Variants in SYTL5 observed in about 807,000 individuals in gnomAD.
SYTL5 encodes the protein synaptotagmin-like protein 5.
A neutral mutation model predicts 55.9 loss-of-function variants in SYTL5; 34 were observed. That is an observed-to-expected ratio of 0.61 (90% CI 0.46 to 0.81). SYTL5 has a LOEUF of 0.81. Among genes scored for constraint, SYTL5 ranks in the 30% least tolerant of loss-of-function variants. The probability of loss-of-function intolerance (pLI) is 0.00; values close to 1 mark genes in which losing one functional copy is unlikely to be tolerated. For missense variants in SYTL5, 637 were observed against 546.7 expected, an observed-to-expected ratio of 1.17 and a Z score of -1.65; for synonymous variants, 221 against 188.7, an observed-to-expected ratio of 1.17 and a Z score of -1.40.
chrX:38,125,628 A>G (rs1937628525), intron 16 of SYTL5, 122 bp downstream of exon 16: 3 of 504,350 alleles, frequency 5.9e-6, no homozygotes, highest in Middle Eastern at 5.3e-4. Context: ...TGAAATTACC[A>G]CAAATACTTC....
chrX:38,106,850 T>A, intron 11 of SYTL5, 79 bp downstream of exon 11: 3 of 824,508 alleles, frequency 3.6e-6, no homozygotes, highest in Non-Finnish European at 3.3e-6. Context: ...TTCAAAAGAG[T>A]CTTAGCATTC....
intron 2 of SYTL5, among the ~76,000 whole-genome samples, chrX:38,040,789 G>T (rs1159532324): frequency 8.9e-6 from 1 of 111,903 alleles, no homozygotes; most frequent in Non-Finnish European, 1.9e-5. Flanking sequence ...TAGGAGTGCA[G>T]ATATCTCTTC....
intron 2 of SYTL5, among the ~76,000 whole-genome samples, chrX:38,035,629 G>A (rs2147210415): frequency 9.0e-6 from 1 of 110,725 alleles, no homozygotes; most frequent in Non-Finnish European, 1.9e-5. Flanking sequence ...GGGCGTGGTG[G>A]CTCACGCCTG....
At chrX:38,071,492 CTCTT>C (rs1936262374) in intron 3 of SYTL5, among the ~76,000 whole-genome samples, 1 of 112,069 alleles carries the variant, frequency 8.9e-6, no homozygotes, top group African/African-American at 3.2e-5. Flanking sequence ...GCCAACCTGT[CTCTT>C]TATCCTATTC....
At chrX:37,960,641 T>A in the SYTL5 span, among the ~76,000 whole-genome samples, 1 of 111,006 alleles carries the variant, frequency 9.0e-6, no homozygotes, top group Admixed American at 9.6e-5. Context: ...ACTTAAGCAA[T>A]CTCTAAAATG....
chrX:38,044,345 T>C, intron 2 of SYTL5, among the ~76,000 whole-genome samples: 1 of 112,057 alleles, frequency 8.9e-6, no homozygotes, highest in East Asian at 2.8e-4. Flanking sequence ...AAGTAAGTAC[T>C]GATAACTGCC....
chrX:37,921,312 G>A, the SYTL5 span, among the ~76,000 whole-genome samples: 1 of 111,243 alleles, frequency 9.0e-6, no homozygotes, highest in Non-Finnish European at 1.9e-5. Flanking sequence ...TGATGCCCAG[G>A]TATTCCATTA....
the SYTL5 span, among the ~76,000 whole-genome samples, chrX:37,903,378 T>G: frequency 3.0e-4 from 31 of 102,946 alleles, no homozygotes; most frequent in East Asian, 1.8e-3. Flanking sequence ...CCATAAAAAA[T>G]GATGAGTTCA....
chrX:37,950,003 G>T, the SYTL5 span, among the ~76,000 whole-genome samples: 7 of 111,635 alleles, frequency 6.3e-5, no homozygotes, highest in African/African-American at 2.3e-4. Flanking sequence ...TTAAATGTGA[G>T]TGATTTGTAT....
chrX:37,984,529 G>C, the SYTL5 span, among the ~76,000 whole-genome samples: 1 of 111,403 alleles, frequency 9.0e-6, no homozygotes, highest in Admixed American at 9.5e-5. Flanking sequence ...GGCCCAAATG[G>C]CTTCATTGGT....
At chrX:37,948,115 A>T in the SYTL5 span, among the ~76,000 whole-genome samples, 1 of 110,977 alleles carries the variant, frequency 9.0e-6, no homozygotes. Flanking sequence ...AATGGTCAGG[A>T]ACTTTTTTTC....
chrX:37,968,987 G>C, the SYTL5 span, among the ~76,000 whole-genome samples: 1 of 111,641 alleles, frequency 9.0e-6, no homozygotes, highest in Non-Finnish European at 1.9e-5. Flanking sequence ...TAGTTAATTG[G>C]TTTTGCCCTT....
the SYTL5 span, among the ~76,000 whole-genome samples, chrX:37,899,569 C>T: frequency 9.0e-6 from 1 of 111,667 alleles, no homozygotes; most frequent in Non-Finnish European, 1.9e-5. Flanking sequence ...ATGCCTAATC[C>T]TTAGAACCAG....
At chrX:38,124,813 A>G (rs187100554) in intron 15 of SYTL5, among the ~76,000 whole-genome samples, 211 of 112,041 alleles carry the variant, frequency 1.9e-3, no homozygotes, top group Middle Eastern at 0.014. Context: ...TCTCAAACTC[A>G]TCAGTTAAAA....
intron 10 of SYTL5, chrX:38,102,949 A>G (rs1937118057): frequency 5.5e-6 from 4 of 731,084 alleles, no homozygotes; most frequent in Admixed American, 2.9e-5. Flanking sequence ...ACTGTGTGTA[A>G]GTCTTTTTCT....
At chrX:37,947,189 C>T in the SYTL5 span, among the ~76,000 whole-genome samples, 1 of 111,352 alleles carries the variant, frequency 9.0e-6, no homozygotes, top group Non-Finnish European at 1.9e-5. Context: ...GGTCAATCAG[C>T]TTCATTCAGT....
intron 3 of SYTL5, among the ~76,000 whole-genome samples, chrX:38,070,670 A>G (rs1018954137): frequency 9.0e-6 from 1 of 111,369 alleles, no homozygotes; most frequent in Admixed American, 9.6e-5. Flanking sequence ...TTTCAATAGA[A>G]TTCTCCACAA....
intron 6 of SYTL5, among the ~76,000 whole-genome samples, chrX:38,082,073 A>G (rs1201484762): frequency 1.8e-5 from 2 of 111,781 alleles, no homozygotes; most frequent in Non-Finnish European, 3.8e-5. Flanking sequence ...TGTTTACTTT[A>G]TATTATGTGT....
At chrX:38,078,024 C>T (rs1936432697) in intron 6 of SYTL5, among the ~76,000 whole-genome samples, 1 of 110,900 alleles carries the variant, frequency 9.0e-6, no homozygotes, top group Admixed American at 9.6e-5. Context: ...CTGAGCAAGA[C>T]CTTGTCTCAA....
Sources: gnomAD v4.1 joint callset for allele counts (sites outside exome capture counted in the v4.1 genomes callset) on GRCh38, gnomAD v4.1.1 for gene constraint, MANE v1.5 for transcripts, NCBI Gene and HGNC (gene_info 2026-07-23, HGNC 2026-07-21) for gene names.